Variants in DCAF6 observed in about 807,000 individuals in gnomAD.
DCAF6 encodes the protein DDB1- and CUL4-associated factor 6.
A neutral mutation model predicts 125.1 loss-of-function variants in DCAF6; 54 were observed. The observed-to-expected ratio is 0.43, with a 90% CI of 0.35 to 0.54. The LOEUF (loss-of-function observed/expected upper bound fraction) is 0.54, where lower values mean the gene tolerates loss of function less well. Ranked by LOEUF, DCAF6 falls within the 20% of genes least tolerant of loss-of-function variation. The probability of loss-of-function intolerance (pLI) is 0.01; values close to 1 mark genes in which losing one functional copy is unlikely to be tolerated. For missense variants in DCAF6, 934 were observed against 1,161.7 expected (o/e 0.80, Z 2.85); for synonymous variants, 371 against 390.4 (o/e 0.95, Z 0.58).
At chr1:167,923,215 A>G in the DCAF6 span, among the ~76,000 whole-genome samples, 1 of 152,338 alleles carries the variant, frequency 6.6e-6, no homozygotes, top group African/African-American at 2.4e-5. Flanking sequence ...GAAGAATTAA[A>G]AGTATTGACT....
At chr1:167,912,883 G>A in the DCAF6 span, among the ~76,000 whole-genome samples, 4 of 152,200 alleles carry the variant, frequency 2.6e-5, no homozygotes, top group Non-Finnish European at 5.9e-5. Context: ...GAAAACTGAA[G>A]CACAGAGGTA....
the DCAF6 span, among the ~76,000 whole-genome samples, chr1:167,863,596 G>A: frequency 2.6e-5 from 4 of 152,198 alleles, no homozygotes; most frequent in African/African-American, 9.6e-5. Flanking sequence ...TGACCGGGAA[G>A]CAAGGTGATT....
the DCAF6 span, among the ~76,000 whole-genome samples, chr1:167,877,397 C>T: frequency 6.6e-6 from 1 of 151,558 alleles, no homozygotes; most frequent in Non-Finnish European, 1.5e-5. Context: ...CTCAGGAATA[C>T]TGAAGGGAAT....
chr1:167,962,696 C>T (rs1557897342), intron 2 of DCAF6, among the ~76,000 whole-genome samples: 1 of 152,146 alleles, frequency 6.6e-6, no homozygotes, highest in Non-Finnish European at 1.5e-5. Context: ...TGGCTCACCC[C>T]TGTAATCCCA....
chr1:168,054,325 A>G (rs1001774251), intron 17 of DCAF6, among the ~76,000 whole-genome samples: 1 of 152,216 alleles, frequency 6.6e-6, no homozygotes, highest in African/African-American at 2.4e-5. Flanking sequence ...ACAGGAAATC[A>G]CATGATGAGA....
At chr1:167,863,901 G>A in the DCAF6 span, among the ~76,000 whole-genome samples, 4 of 152,080 alleles carry the variant, frequency 2.6e-5, no homozygotes, top group Non-Finnish European at 4.4e-5. Context: ...GATCACCCAC[G>A]GCGTGCCTTT....
At chr1:168,041,231 A>C (rs1688492344) in intron 13 of DCAF6, among the ~76,000 whole-genome samples, 1 of 152,002 alleles carries the variant, frequency 6.6e-6, no homozygotes, top group South Asian at 2.1e-4. Flanking sequence ...TCTTTTGTAA[A>C]TTGTCTTTCA....
intron 10 of DCAF6, among the ~76,000 whole-genome samples, chr1:168,013,440 G>T (rs1684558818): frequency 6.6e-6 from 1 of 152,152 alleles, no homozygotes; most frequent in Non-Finnish European, 1.5e-5. Context: ...TTGGTAGTTT[G>T]TATAATTTCA....
the DCAF6 span, chr1:167,924,369 C>T: frequency 6.0e-6 from 4 of 671,696 alleles, no homozygotes; most frequent in Non-Finnish European, 9.6e-6. Flanking sequence ...AGAATATTTG[C>T]CATGAAATCA....
In DCAF6 at chr1:168,046,541, A is replaced by G. The variant is rs566643231; in HGVS notation, c.2258+1314A>G. 2.3e-4 allele frequency among the ~76,000 whole-genome samples: 35 copies of G among 152,236 alleles called. 2 individuals are homozygous for G. The South Asian group carries it at 6.8e-3, about 30-fold the overall frequency. On this transcript the variant is annotated intron_variant, in intron 16 of 21. Transcript: ENST00000367840. ...CTTTTTTTGTAGATATGAAGCAAGA[A>G]TTTCCCATGTTTATACTTAGAGATT... is the stretch of plus-strand genomic sequence containing the variant.
chr1:167,909,678 A>C, the DCAF6 span, among the ~76,000 whole-genome samples: 59 of 152,148 alleles, frequency 3.9e-4, no homozygotes, highest in African/African-American at 1.4e-3. Context: ...CCCCTGCTTG[A>C]GTAGATCTTG....
intron 17 of DCAF6, among the ~76,000 whole-genome samples, chr1:168,056,817 T>C (rs758135981): frequency 3.9e-5 from 6 of 152,244 alleles, no homozygotes; most frequent in Non-Finnish European, 7.3e-5. Flanking sequence ...AATGCTCTGC[T>C]TCTGGATTAT....
At chr1:167,996,850 G>C (rs1395918237) in intron 7 of DCAF6, among the ~76,000 whole-genome samples, 1 of 151,984 alleles carries the variant, frequency 6.6e-6, no homozygotes, top group Admixed American at 6.6e-5. Flanking sequence ...TGTATTTCAG[G>C]TCTTTGCTTA....
intron 17 of DCAF6, among the ~76,000 whole-genome samples, chr1:168,051,312 A>G (rs1440124616): frequency 6.6e-6 from 1 of 152,212 alleles, no homozygotes; most frequent in Admixed American, 6.5e-5. Context: ...TTATTCGTAT[A>G]TGCTCCTTTT....
chr1:168,027,970 T>C (rs140973207), intron 12 of DCAF6, among the ~76,000 whole-genome samples: 319 of 152,242 alleles, frequency 2.1e-3, no homozygotes, highest in African/African-American at 7.4e-3. Context: ...TTGTTATTAA[T>C]TGTATCCTAT....
At chr1:167,881,350 T>C in the DCAF6 span, among the ~76,000 whole-genome samples, 1 of 152,238 alleles carries the variant, frequency 6.6e-6, no homozygotes, top group Non-Finnish European at 1.5e-5. Context: ...GGTTGAAATT[T>C]TGAGTTTTTG....
chr1:167,952,945 CTATTT>C (rs897544500), intron 2 of DCAF6, among the ~76,000 whole-genome samples: 4 of 152,110 alleles, frequency 2.6e-5, no homozygotes, highest in African/African-American at 4.8e-5. Flanking sequence ...ATTTTCTTTT[CTATTT>C]TATTTTCTTC....
At chr1:167,991,140 T>C (rs776156549) in intron 5 of DCAF6, 64 bp from the exon 6 acceptor site, 200 of 1,357,704 alleles carry the variant, frequency 1.5e-4, no homozygotes, top group Non-Finnish European at 1.8e-4. Flanking sequence ...GAGAAAATAT[T>C]TTAAATATAA....
chr1:167,936,093 G>GGGA, upstream of DCAF6: 1 of 561,038 alleles, frequency 1.8e-6, no homozygotes, highest in Non-Finnish European at 3.3e-6. Context: ...GCAGGAGAGA[G>GGGA]GGAGGAGCCA....
Sources: gnomAD v4.1 joint callset for allele counts (sites outside exome capture counted in the v4.1 genomes callset) on GRCh38, gnomAD v4.1.1 for gene constraint, MANE v1.5 for transcripts, NCBI Gene and HGNC (gene_info 2026-07-23, HGNC 2026-07-21) for gene names.